The following HMGCS1 variants were observed in gnomAD, a reference collection of about 807,000 sequenced individuals.
HMGCS1 encodes the protein 3-hydroxy-3-methylglutaryl-CoA synthase 1, also known as hydroxymethylglutaryl-CoA synthase, cytoplasmic.
HMGCS1 carries 9 observed loss-of-function variants against 52.3 expected under a neutral mutation model. That is an observed-to-expected ratio of 0.17 (90% confidence interval 0.10 to 0.30). The LOEUF (loss-of-function observed/expected upper bound fraction) is 0.30. HMGCS1 is among the 10% of genes least tolerant of loss of function. The pLI is 1.00. For synonymous variants in HMGCS1, 176 were observed against 214.4 expected (o/e 0.82, Z 1.57); for missense variants, 320 against 620.9 (o/e 0.52, Z 5.15).
At chr5:43,307,067 ATT>A (rs59297862) in intron 2 of HMGCS1, among the ~76,000 whole-genome samples, 1,653 of 123,610 alleles carry the variant, frequency 0.013, 26 homozygotes, top group African/African-American at 0.045. Flanking sequence ...TTCTCACATA[ATT>A]TTTTTTTTTT....
intron 2 of HMGCS1, among the ~76,000 whole-genome samples, chr5:43,299,905 T>A (rs1236636561): frequency 6.7e-6 from 1 of 150,284 alleles, no homozygotes; most frequent in Non-Finnish European, 1.5e-5. Context: ...CAGAGGGGAG[T>A]TTTAATGCAG....
intron 2 of HMGCS1, among the ~76,000 whole-genome samples, chr5:43,299,384 T>G (rs541718608): frequency 1.3e-5 from 2 of 151,284 alleles, no homozygotes; most frequent in East Asian, 3.9e-4. Context: ...GCGTGGTGGC[T>G]CATGCCTGTA....
At chr5:43,301,959 C>T (rs985800575) in intron 2 of HMGCS1, among the ~76,000 whole-genome samples, 2 of 152,232 alleles carry the variant, frequency 1.3e-5, no homozygotes, top group African/African-American at 4.8e-5. Context: ...CTTTGTTCTA[C>T]TCCACTTCTT....
chr5:43,294,948 T>G (rs1753958436), intron 6 of HMGCS1, 87 bp from the exon 7 acceptor site: 1 of 811,850 alleles, frequency 1.2e-6, no homozygotes, highest in South Asian at 2.1e-5. Flanking sequence ...ATTCAAATCT[T>G]TAAGTGTATA....
intron 2 of HMGCS1, among the ~76,000 whole-genome samples, chr5:43,301,919 G>A (rs1754338377): frequency 6.6e-6 from 1 of 152,222 alleles, no homozygotes; most frequent in East Asian, 1.9e-4. Flanking sequence ...CACACTGTCA[G>A]ATACACTAAA....
At chr5:43,301,526 G>GT (rs1754317065) in intron 2 of HMGCS1, among the ~76,000 whole-genome samples, 1 of 152,202 alleles carries the variant, frequency 6.6e-6, no homozygotes, top group African/African-American at 2.4e-5. Flanking sequence ...CAGGGTAAAT[G>GT]TAAAGATTTT....
intron 1 of HMGCS1, among the ~76,000 whole-genome samples, chr5:43,310,131 A>G (rs1007300213): frequency 2.0e-5 from 3 of 152,248 alleles, no homozygotes; most frequent in African/African-American, 7.2e-5. Context: ...GGAGCAAGCA[A>G]GTAAAAACTA....
At chr5:43,310,860 G>C (rs1350316827) in intron 1 of HMGCS1, among the ~76,000 whole-genome samples, 1 of 152,180 alleles carries the variant, frequency 6.6e-6, no homozygotes, top group Non-Finnish European at 1.5e-5. Flanking sequence ...GAAAACATTT[G>C]TTGGTCTTAC....
intron 2 of HMGCS1, among the ~76,000 whole-genome samples, chr5:43,303,281 G>T (rs1754405978): frequency 6.6e-6 from 1 of 152,368 alleles, no homozygotes; most frequent in Middle Eastern, 3.4e-3. Context: ...ATTTGGAGAT[G>T]GGGCCTTTGG....
At chr5:43,294,191 G>C (rs1753921478) in intron 7 of HMGCS1, 29 bp from the exon 8 acceptor site, 1 of 1,360,952 alleles carries the variant, frequency 7.3e-7, no homozygotes, top group Non-Finnish European at 1.1e-6. Flanking sequence ...TAGTTCAGAA[G>C]TTTAACTGAT....
rs752633454 is a variant in HMGCS1, at chr5:43,298,485, T to G, written c.448+33A>C. ...TCTATTGAACCTTAGAAAAAAATTTTGGGGGACGGCGGGGAATAGGCATGT... is the reference window on the plus strand; with the variant it reads ...TCTATTGAACCTTAGAAAAAAATTTGGGGGGACGGCGGGGAATAGGCATGT... On this transcript the variant is annotated intron_variant, in intron 3 of 10. Transcript: ENST00000325110. This position sits in a 1 kb window ranked among gnomAD's most constrained non-coding sequence, Gnocchi z 5.6. 7.1e-6 allele frequency: 11 copies of G among 1,555,552 alleles called. No homozygotes were observed. The highest frequency in any genetic ancestry group is 9.6e-6 in the Non-Finnish European group (11 of 1,144,762).
chr5:43,311,267 C>G (rs923649392), intron 1 of HMGCS1, among the ~76,000 whole-genome samples: 2 of 150,112 alleles, frequency 1.3e-5, no homozygotes, highest in African/African-American at 4.9e-5. Context: ...TTGCAGTGAG[C>G]CGAGATCACG....
intron 2 of HMGCS1, among the ~76,000 whole-genome samples, chr5:43,301,795 T>C (rs1415553091): frequency 2.6e-5 from 4 of 152,068 alleles, no homozygotes; most frequent in Non-Finnish European, 2.9e-5. Flanking sequence ...TCCAAAAACA[T>C]GGAAAAAGCA....
chr5:43,302,293 C>A (rs954329644), intron 2 of HMGCS1, among the ~76,000 whole-genome samples: 2 of 152,170 alleles, frequency 1.3e-5, no homozygotes, highest in Non-Finnish European at 2.9e-5. Context: ...AACTACTTAC[C>A]TACATAACCC....
Position 43,291,011 on chromosome 5 carries a change from A to C in HMGCS1, c.*120T>G. 1 of 652,968 alleles carries C rather than the reference A, an allele frequency of 1.5e-6. No individual in the cohort carries two copies. Among genetic ancestry groups the C allele is most frequent in the Non-Finnish European group, 2.8e-6 (1 of 361,892 alleles). 40.4% of individuals were successfully genotyped at this position (652,968 alleles called of 1,614,324 possible). ...CATCCAGGCTCCATGTCAGTCACAT[A>C]AAAATTTACATAACATGTAATCCTT... On this transcript the variant is annotated 3_prime_UTR_variant, in exon 11 of 11. Coordinates refer to ENST00000325110, the MANE Select transcript of HMGCS1 (RefSeq NM_001098272.3).
At chr5:43,294,615 G>T in intron 7 of HMGCS1, 76 bp downstream of exon 7, 1 of 1,095,384 alleles carries the variant, frequency 9.1e-7, no homozygotes, top group Non-Finnish European at 1.3e-6. Flanking sequence ...CAACATGCTT[G>T]ACACTAGATT....
At chr5:43,291,940 CTTT>C (rs1362484038) in intron 10 of HMGCS1, among the ~76,000 whole-genome samples, 54 of 150,846 alleles carry the variant, frequency 3.6e-4, no homozygotes, top group Non-Finnish European at 4.3e-4. Context: ...ATCAGTCTTC[CTTT>C]AAATCCTGGT....
intron 2 of HMGCS1, among the ~76,000 whole-genome samples, chr5:43,306,072 C>A (rs1039146253): frequency 9.9e-5 from 15 of 152,078 alleles, no homozygotes; most frequent in Non-Finnish European, 1.9e-4. Flanking sequence ...CCTTTCAAGT[C>A]TTCCAACAAA....
intron 5 of HMGCS1, among the ~76,000 whole-genome samples, chr5:43,296,311 C>A (rs1754030009): frequency 1.3e-5 from 2 of 152,062 alleles, no homozygotes; most frequent in Admixed American, 1.3e-4. Flanking sequence ...TACAATGTAA[C>A]ATGTACTTCT....
Sources: allele counts gnomAD v4.1 joint callset (sites outside exome capture counted in the v4.1 genomes callset), GRCh38; gene constraint gnomAD v4.1.1; non-coding constraint Gnocchi (gnomAD v3.1); transcripts MANE v1.5; gene names NCBI Gene and HGNC (gene_info 2026-07-23, HGNC 2026-07-21).